The following MCM10 variants were observed in gnomAD, a reference collection of about 807,000 sequenced individuals.
The protein encoded by MCM10 is protein MCM10 homolog.
A neutral mutation model predicts 109.9 loss-of-function variants in MCM10; 91 were observed. The ratio of observed to expected loss-of-function variants is 0.83; its 90% CI spans 0.70 to 0.99. The LOEUF (loss-of-function observed/expected upper bound fraction) is 0.99. Among genes scored for constraint, MCM10 ranks in the 50% least tolerant of loss-of-function variants. The pLI is 0.00. For synonymous variants in MCM10, 380 were observed against 387.2 expected, an observed-to-expected ratio of 0.98 and a Z score of 0.22; for missense variants, 1,077 against 1,061.2, an observed-to-expected ratio of 1.01 and a Z score of -0.21.
chr10:13,175,343 A>T (rs1834126848), intron 5 of MCM10, among the ~76,000 whole-genome samples, 167 bp from the exon 6 acceptor site: 1 of 152,112 alleles, frequency 6.6e-6, no homozygotes. Flanking sequence ...GCTTAAACCC[A>T]GGAGATGGAG....
intron 14 of MCM10, among the ~76,000 whole-genome samples, chr10:13,197,066 C>T (rs553455580): frequency 6.6e-6 from 1 of 152,166 alleles, no homozygotes; most frequent in Admixed American, 6.5e-5. Flanking sequence ...GCTGGGACTA[C>T]AGGCATGCAC....
chr10:13,168,410 G>A (rs1206634525), intron 2 of MCM10, among the ~76,000 whole-genome samples: 1 of 151,934 alleles, frequency 6.6e-6, no homozygotes, highest in Non-Finnish European at 1.5e-5. Context: ...AAAGGATATT[G>A]GTTTGCTGAT....
At position 13,164,334 on chromosome 10, in the gene MCM10, G is replaced by T. The variant is rs1217323000; in HGVS notation, c.7+125G>T. ...CCCAGCCCTCAGGTATTGTCTTAGT[G>T]GTTCTGAAGCAATCTCACATCTCAC... On this transcript the variant is annotated intron_variant, in intron 2 of 19. Coordinates refer to ENST00000378714, the MANE Select transcript of MCM10 (RefSeq NM_018518.5). The T allele has an allele frequency of 7.3e-6, 6 of 825,646 alleles. No individual in the cohort carries two copies. In the Admixed American group the frequency reaches 1.4e-4, roughly 19 times the overall value. The allele number at this position is 825,646 out of a possible 1,614,324, so 51.1% of individuals were successfully genotyped here.
intron 17 of MCM10, among the ~76,000 whole-genome samples, chr10:13,202,901 G>C (rs1437839290): frequency 6.6e-6 from 1 of 152,112 alleles, no homozygotes; most frequent in African/African-American, 2.4e-5. Flanking sequence ...TTGGAGTGCA[G>C]TGGCACAGTC....
intron 13 of MCM10, among the ~76,000 whole-genome samples, chr10:13,194,150 G>A (rs1834385093): frequency 6.6e-6 from 1 of 152,136 alleles, no homozygotes; most frequent in South Asian, 2.1e-4. Context: ...GATCGCCTGA[G>A]CCCAGGAGTT....
chr10:13,183,138 T>A, intron 8 of MCM10, 38 bp downstream of exon 8: 1 of 1,596,954 alleles, frequency 6.3e-7, no homozygotes, highest in South Asian at 1.1e-5. Flanking sequence ...GATGATTGTC[T>A]TTACAAGTTA....
rs149109470 is a variant in MCM10 at position 13,201,514 on chromosome 10, C to T, written c.2332C>T (p.Arg778Cys). 7 of 1,610,402 alleles carry T rather than the reference C, an allele frequency of 4.3e-6. No individual in the cohort carries two copies. The South Asian group carries it at 5.5e-5, about 13-fold the overall frequency. ...KMRNIREVKC[R>C]VVTCKTCAYT... The stretch of plus-strand genomic sequence containing the variant: ...GAGAAACATCAGAGAAGTGAAGTGC[C>T]GTGTCGTGACATGCAAGACGGTGGG... The change falls in exon 17 of 20, where the codon CGT becomes TGT. Residue 778 changes from arginine to cysteine, a missense_variant. By Grantham distance (180) the Arg-to-Cys change is radical. Coordinates refer to ENST00000378714, the MANE Select transcript of MCM10 (RefSeq NM_018518.5).
At position 13,204,990 on chromosome 10, in the gene MCM10, GTATGTATGTATGTATATATATATATA is replaced by G. The variant is rs1444227039; in HGVS notation, c.2498+630_2498+655del. Among the ~76,000 whole-genome samples, 1,010 of 118,678 alleles carry G rather than the reference GTATGTATGTATGTATATATATATATA, an allele frequency of 8.5e-3. 32 individuals carry two copies. Among genetic ancestry groups the G allele is most frequent in the East Asian group, 0.055 (242 of 4,428 alleles). 77.9% of individuals were successfully genotyped at this position (118,678 alleles called of 152,430 possible). On this transcript the variant is annotated intron_variant, in intron 18 of 19. Transcript: ENST00000378714. The stretch of plus-strand genomic sequence containing the variant: ...ATTTTTTATTGTGCTTCTCATGTAT[GTATGTATGTATGTATATATATATATA>G]TATATATATATATATATATATATAT...
At chr10:13,188,729 A>G (rs1420501203) in intron 9 of MCM10, 152 bp from the exon 10 acceptor site, 3 of 721,490 alleles carry the variant, frequency 4.2e-6, no homozygotes, top group Non-Finnish European at 7.5e-6. Context: ...GGGACTGAGC[A>G]GCCCTTCCAC....
In MCM10 at chr10:13,171,088, G is replaced by A. The variant is rs567096365; in HGVS notation, c.174G>A (p.Glu58=). ...GCGACGGTGAATCTTATACAGAAGA[G>A]GCTGATGATGGAGAAACAGGAGAGA... is the stretch of plus-strand genomic sequence containing the variant. The part of the protein sequence containing the change: ...ADGDGESYTE[E]ADDGETGETR... Residue 58 remains glutamate, a synonymous_variant, in exon 3 of 20, where the codon GAG becomes GAA. Coordinates refer to ENST00000378714, the MANE Select transcript of MCM10 (RefSeq NM_018518.5). 6.2e-7 allele frequency: 1 copy of A among 1,614,200 alleles called. No homozygotes were observed. Among genetic ancestry groups the A allele is most frequent in the East Asian group, 2.2e-5 (1 of 44,890 alleles).
rs1349343565 is a variant in MCM10, at chr10:13,188,975, GA to G, written c.1312del (p.Ile438PhefsTer49). The G allele has an allele frequency of 6.2e-7, 1 of 1,614,082 alleles. No homozygotes were observed. The highest frequency in any genetic ancestry group is 1.3e-5 in the African/African-American group (1 of 74,940). ...CTGCAGTCCACCTTCTCTGGAGGACGAATTCCAAAGAAGTTTGCCCGCAGAG... is the reference window on the plus strand; with the variant it reads ...CTGCAGTCCACCTTCTCTGGAGGACGATTCCAAAGAAGTTTGCCCGCAGAG... The part of the protein sequence containing the change: ...ADLQSTFSGG[R>X]IPKKFARRGT... On this transcript the variant is annotated frameshift_variant, in exon 10 of 20. Coordinates refer to ENST00000378714, the MANE Select transcript of MCM10 (RefSeq NM_018518.5). LOFTEE classifies it high-confidence loss of function.
At position 13,201,509 on chromosome 10, in the gene MCM10, A is replaced by G. The variant is rs1425649842; in HGVS notation, c.2327A>G (p.Lys776Arg). 2.5e-6 allele frequency: 4 copies of G among 1,611,566 alleles called. No homozygotes were observed. The highest frequency in any genetic ancestry group is 2.7e-5 in the African/African-American group (2 of 74,858). ...EEKMRNIREV[K>R]CRVVTCKTCA... ...AAGATGAGAAACATCAGAGAAGTGA[A>G]GTGCCGTGTCGTGACATGCAAGACG... is the stretch of plus-strand genomic sequence containing the variant. The change falls in exon 17 of 20, where the codon AAG becomes AGG. Residue 776 changes from lysine (K) to arginine (R), a missense_variant. Transcript: ENST00000378714.
At chr10:13,197,337 G>C (rs1370779838) in intron 14 of MCM10, among the ~76,000 whole-genome samples, 3 of 152,192 alleles carry the variant, frequency 2.0e-5, no homozygotes, top group Non-Finnish European at 4.4e-5. Context: ...TTCCAAAATG[G>C]TGATGTGGCT....
chr10:13,182,889 A>G lies in MCM10; in HGVS notation c.931-44A>G, dbSNP rs532551460. 46 of 1,498,684 alleles carry G rather than the reference A, an allele frequency of 3.1e-5. No homozygotes were observed. The South Asian group carries it at 4.6e-4, about 15-fold the overall frequency. 92.8% of individuals were successfully genotyped at this position (1,498,684 alleles called of 1,614,324 possible). A position where few individuals can be genotyped will look rare whatever the true frequency, so the allele number is the denominator to read the frequency against. On this transcript the variant is annotated intron_variant, in intron 7 of 19. Transcript: ENST00000378714. The surrounding 1 kb of genome is among the most constrained non-coding windows in gnomAD (Gnocchi z 4.2). ...CTCTTGAATCATAAATGAGGACGGC[A>G]TAACCTACAGTTCAAAATTATAAAA...
intron 16 of MCM10, among the ~76,000 whole-genome samples, chr10:13,201,082 T>C (rs1384102691): frequency 6.6e-6 from 1 of 152,122 alleles, no homozygotes; most frequent in Non-Finnish European, 1.5e-5. Context: ...GAGGTAGAGG[T>C]TGCAGTAAGG....
chr10:13,181,954 A>G (rs1002824077), intron 7 of MCM10, among the ~76,000 whole-genome samples: 4 of 152,194 alleles, frequency 2.6e-5, no homozygotes, highest in Non-Finnish European at 4.4e-5. Flanking sequence ...CCTCTGTGAG[A>G]TAGTGCAAGT....
At chr10:13,179,741 A>G (rs753532115) in intron 6 of MCM10, among the ~76,000 whole-genome samples, 10 of 152,222 alleles carry the variant, frequency 6.6e-5, no homozygotes, top group Non-Finnish European at 1.5e-4. Context: ...AAAAAATTCA[A>G]TTAGAATAGT....
intron 5 of MCM10, among the ~76,000 whole-genome samples, chr10:13,173,323 G>A (rs1379968357): frequency 2.0e-5 from 3 of 152,126 alleles, no homozygotes; most frequent in African/African-American, 7.2e-5. Flanking sequence ...CCACTGGTTA[G>A]GTTCTCATGC....
At position 13,209,366 on chromosome 10, in the gene MCM10, C is replaced by G. The variant is rs1481453837; in HGVS notation, c.*56C>G. 1 of 1,356,100 alleles carries G rather than the reference C, an allele frequency of 7.4e-7. No individual in the cohort carries two copies. The highest frequency in any genetic ancestry group is 1.4e-5 in the African/African-American group (1 of 69,536). 84.0% of individuals were successfully genotyped at this position (1,356,100 alleles called of 1,614,324 possible). A position where few individuals can be genotyped will look rare whatever the true frequency, so the allele number is the denominator to read the frequency against. ...CCTGGCCTCCTGTGACTCTGGAAAG[C>G]AAAGGATTGGCTGTGTATTGTCCAT... On this transcript the variant is annotated 3_prime_UTR_variant, in exon 20 of 20. Transcript: ENST00000378714.
Sources: allele counts gnomAD v4.1 joint callset (sites outside exome capture counted in the v4.1 genomes callset), GRCh38; gene constraint gnomAD v4.1.1; non-coding constraint Gnocchi (gnomAD v3.1); transcripts MANE v1.5; gene names NCBI Gene and HGNC (gene_info 2026-07-23, HGNC 2026-07-21).